The following TEKT5 variants were observed in gnomAD, a reference collection of about 807,000 sequenced individuals.
The protein encoded by TEKT5 is tektin 5, also known as tektin-5.
TEKT5 carries 52 observed loss-of-function variants against 48.7 expected under a neutral mutation model. The ratio of observed to expected loss-of-function variants is 1.07; its 90% CI spans 0.86 to 1.35. TEKT5 has a LOEUF of 1.35. Among genes scored for constraint, TEKT5 ranks in the 40% most tolerant of loss-of-function variants. TEKT5 has a pLI of 0.00. For missense variants in TEKT5, 831 were observed against 641.6 expected (o/e 1.30, Z -3.19); for synonymous variants, 318 against 267.6 (o/e 1.19, Z -1.84).
At chr16:10,674,039 T>C (rs898993999) in intron 5 of TEKT5, among the ~76,000 whole-genome samples, 6 of 152,072 alleles carry the variant, frequency 3.9e-5, no homozygotes, top group Non-Finnish European at 8.8e-5. Flanking sequence ...CCAAACACTG[T>C]CCTGCTTAAA....
At chr16:10,675,636 G>A (rs773059042) in intron 5 of TEKT5, among the ~76,000 whole-genome samples, 19 of 152,120 alleles carry the variant, frequency 1.2e-4, no homozygotes, top group Non-Finnish European at 2.1e-4. Flanking sequence ...ATGGTGTGCC[G>A]GGCTCCGTTC....
intron 6 of TEKT5, among the ~76,000 whole-genome samples, chr16:10,631,349 G>C (rs1897838253): frequency 6.8e-6 from 1 of 148,108 alleles, no homozygotes; most frequent in Non-Finnish European, 1.5e-5. Flanking sequence ...GGAAGCCATG[G>C]GGTGGGGGCG....
chr16:10,658,394 C>T (rs1277182996), intron 5 of TEKT5, among the ~76,000 whole-genome samples: 1 of 152,194 alleles, frequency 6.6e-6, no homozygotes, highest in Non-Finnish European at 1.5e-5. Context: ...CCACAATAGA[C>T]CACTATCCAG....
At chr16:10,690,650 T>G (rs1055635924) in intron 1 of TEKT5, 35 of 985,172 alleles carry the variant, frequency 3.6e-5, no homozygotes, top group Non-Finnish European at 4.1e-5. Context: ...GAGGGACAGT[T>G]TGGGGAAGTG....
At chr16:10,637,983 TA>T (rs1710467484) in intron 5 of TEKT5, among the ~76,000 whole-genome samples, 1 of 152,240 alleles carries the variant, frequency 6.6e-6, no homozygotes, top group African/African-American at 2.4e-5. Context: ...GCTAATTGTT[TA>T]ATTTTTTTCA....
chr16:10,663,660 T>C (rs141662775), intron 5 of TEKT5, among the ~76,000 whole-genome samples: 3 of 152,178 alleles, frequency 2.0e-5, no homozygotes, highest in African/African-American at 7.2e-5. Flanking sequence ...CTCTTGACAT[T>C]TGAGCCCAGA....
At chr16:10,652,235 C>G (rs1898170570) in intron 5 of TEKT5, among the ~76,000 whole-genome samples, 1 of 152,084 alleles carries the variant, frequency 6.6e-6, no homozygotes, top group African/African-American at 2.4e-5. Context: ...ACAGAGCTGG[C>G]AGACGCAGAC....
chr16:10,635,640 G>A (rs1897901043), intron 6 of TEKT5, 124 bp downstream of exon 6: 2 of 1,411,368 alleles, frequency 1.4e-6, no homozygotes, highest in South Asian at 2.7e-5. Context: ...TGTGGGACTG[G>A]ATGTCCTGAT....
At chr16:10,647,791 A>G (rs1054326452) in intron 5 of TEKT5, among the ~76,000 whole-genome samples, 23 of 152,196 alleles carry the variant, frequency 1.5e-4, no homozygotes, top group Admixed American at 9.2e-4. Context: ...TCATTCATTC[A>G]TTCATCCACA....
intron 6 of TEKT5, among the ~76,000 whole-genome samples, chr16:10,631,469 G>C (rs1897840738): frequency 1.3e-5 from 2 of 151,990 alleles, no homozygotes; most frequent in South Asian, 2.1e-4. Context: ...CAGGAGAAAG[G>C]TTAGGAGGTT....
At chr16:10,652,755 T>C (rs1898185570) in intron 5 of TEKT5, among the ~76,000 whole-genome samples, 1 of 46,658 alleles carries the variant, frequency 2.1e-5, no homozygotes, top group Non-Finnish European at 3.5e-5. Flanking sequence ...ATCCCTTATA[T>C]ACACAGGCAA....
At chr16:10,633,028 G>T (rs147086743) in intron 6 of TEKT5, among the ~76,000 whole-genome samples, 1 of 152,244 alleles carries the variant, frequency 6.6e-6, no homozygotes, top group Non-Finnish European at 1.5e-5. Flanking sequence ...AAAGCAGTAG[G>T]TCCTCCAGGC....
intron 5 of TEKT5, among the ~76,000 whole-genome samples, chr16:10,636,600 A>T (rs1897916585): frequency 6.6e-6 from 1 of 151,912 alleles, no homozygotes; most frequent in Admixed American, 6.6e-5. Context: ...GGCCTTTCAG[A>T]TTGACAGAGA....
intron 5 of TEKT5, among the ~76,000 whole-genome samples, chr16:10,663,070 A>T (rs2142288580): frequency 6.6e-6 from 1 of 152,260 alleles, no homozygotes; most frequent in Middle Eastern, 3.4e-3. Flanking sequence ...TGCACCCAGA[A>T]TGTGGAAAGG....
At chr16:10,664,578 C>A (rs1898428322) in intron 5 of TEKT5, among the ~76,000 whole-genome samples, 1 of 152,214 alleles carries the variant, frequency 6.6e-6, no homozygotes, top group Non-Finnish European at 1.5e-5. Flanking sequence ...CAGGCCAGAC[C>A]CTGGCCAATT....
chr16:10,629,178 G>A (rs1596397922), intron 6 of TEKT5, among the ~76,000 whole-genome samples: 2 of 152,236 alleles, frequency 1.3e-5, no homozygotes, highest in Admixed American at 1.3e-4. Flanking sequence ...CTAGAGAGTG[G>A]TGAGGGTTGC....
At chr16:10,673,417 T>C (rs1480478556) in intron 5 of TEKT5, among the ~76,000 whole-genome samples, 4 of 152,196 alleles carry the variant, frequency 2.6e-5, no homozygotes, top group Non-Finnish European at 2.9e-5. Flanking sequence ...AGTTATCATC[T>C]AGCCTTTGAC....
intron 5 of TEKT5, among the ~76,000 whole-genome samples, chr16:10,641,816 T>C (rs1027095215): frequency 9.2e-5 from 14 of 152,154 alleles, no homozygotes; most frequent in Non-Finnish European, 1.6e-4. Flanking sequence ...AGTGAGACAC[T>C]GTCTAATAAA....
At position 10,667,194 on chromosome 16, in the gene TEKT5, G is replaced by A. The variant is rs568186378; in HGVS notation, c.1086+8765C>T. Reference sequence around the variant, plus strand: ...AAACAAGATCTTACTCTGTGGCCCAGGCTGGTCTCAAACTCCTGGGCTCAA... The same window carrying A: ...AAACAAGATCTTACTCTGTGGCCCAAGCTGGTCTCAAACTCCTGGGCTCAA... On this transcript the variant is annotated intron_variant, in intron 5 of 6. Transcript: ENST00000283025. Among the ~76,000 whole-genome samples the A allele has an allele frequency of 2.0e-5, 3 of 151,866 alleles. No homozygotes were observed. In the South Asian group the frequency reaches 6.3e-4, roughly 32 times the overall value.
Sources: gnomAD v4.1 joint callset for allele counts (sites outside exome capture counted in the v4.1 genomes callset) on GRCh38, gnomAD v4.1.1 for gene constraint, MANE v1.5 for transcripts, NCBI Gene and HGNC (gene_info 2026-07-23, HGNC 2026-07-21) for gene names.